Variants in WDR27 observed in about 807,000 individuals in gnomAD.
WDR27 encodes the protein WD repeat-containing protein 27.
WDR27 carries 100 observed loss-of-function variants against 114.4 expected under a neutral mutation model. The observed-to-expected ratio is 0.87, with a 90% CI of 0.74 to 1.03. WDR27 has a LOEUF of 1.03. WDR27 is among the 50% of genes least tolerant of loss of function. The probability of loss-of-function intolerance (pLI) is 0.00; values close to 1 mark genes in which losing one functional copy is unlikely to be tolerated. For missense variants in WDR27, 1,129 were observed against 1,092.9 expected, an observed-to-expected ratio of 1.03 and a Z score of -0.47; for synonymous variants, 449 against 423.1, an observed-to-expected ratio of 1.06 and a Z score of -0.75.
At chr6:169,635,703 C>A (rs1210747852) in intron 19 of WDR27, among the ~76,000 whole-genome samples, 1 of 152,222 alleles carries the variant, frequency 6.6e-6, no homozygotes, top group Non-Finnish European at 1.5e-5. Context: ...ATTCCGAGCG[C>A]AGGGCACCTG....
chr6:169,448,972 A>G, the WDR27 span, among the ~76,000 whole-genome samples: 64 of 152,320 alleles, frequency 4.2e-4, no homozygotes, highest in African/African-American at 1.5e-3. Flanking sequence ...TTTCCTTATC[A>G]TATCACAGCC....
chr6:169,482,393 G>T (rs1788290654), intron 25 of WDR27, among the ~76,000 whole-genome samples: 1 of 152,140 alleles, frequency 6.6e-6, no homozygotes, highest in Non-Finnish European at 1.5e-5. Flanking sequence ...CACAATGGTT[G>T]AACTAATTTT....
chr6:169,569,324 T>C (rs1314115515), intron 25 of WDR27, among the ~76,000 whole-genome samples: 2 of 152,248 alleles, frequency 1.3e-5, no homozygotes, highest in Non-Finnish European at 2.9e-5. Flanking sequence ...AAATCTAGTA[T>C]ATTTTAACAA....
intron 1 of WDR27, among the ~76,000 whole-genome samples, chr6:169,694,218 G>A (rs1350265215): frequency 6.6e-6 from 1 of 152,144 alleles, no homozygotes; most frequent in African/African-American, 2.4e-5. Context: ...TGAGGCAGGA[G>A]TATCATCATT....
chr6:169,443,362 A>AGAAT, the WDR27 span, among the ~76,000 whole-genome samples: 1 of 152,266 alleles, frequency 6.6e-6, no homozygotes, highest in African/African-American at 2.4e-5. Flanking sequence ...AATATTTAAG[A>AGAAT]GAATGGTTCC....
intron 25 of WDR27, among the ~76,000 whole-genome samples, chr6:169,465,075 A>G (rs1424855600): frequency 6.6e-6 from 1 of 151,976 alleles, no homozygotes; most frequent in East Asian, 1.9e-4. Flanking sequence ...CCTGACCAAC[A>G]TGGTGAAACC....
At position 169,517,399 on chromosome 6, in the gene WDR27, C is replaced by T. The variant is rs1158709558; in HGVS notation, c.2645+55020G>A. Reference sequence around the variant, plus strand: ...TTATAGCAACACAAGAACAGCCTACCACTGGGGGAACAGAGTGAAGCCAGC... The same window carrying T: ...TTATAGCAACACAAGAACAGCCTACTACTGGGGGAACAGAGTGAAGCCAGC... On this transcript the variant is annotated intron_variant, in intron 25 of 25. Coordinates refer to ENST00000448612, the MANE Select transcript of WDR27 (RefSeq NM_182552.5). 4.6e-5 allele frequency among the ~76,000 whole-genome samples: 7 copies of T among 152,116 alleles called. No individual in the cohort carries two copies. The East Asian group carries it at 1.2e-3, about 25-fold the overall frequency.
At chr6:169,637,112 G>C (rs1817824277) in intron 18 of WDR27, among the ~76,000 whole-genome samples, 1 of 152,144 alleles carries the variant, frequency 6.6e-6, no homozygotes, top group South Asian at 2.1e-4. Context: ...TTCATGATTT[G>C]AAGGTGAGTT....
At chr6:169,569,075 A>G (rs1310712895) in intron 25 of WDR27, among the ~76,000 whole-genome samples, 1 of 126,066 alleles carries the variant, frequency 7.9e-6, no homozygotes. Flanking sequence ...AATTCCACAA[A>G]GACAGCAGGA....
At chr6:169,564,559 C>T (rs1166826484) in intron 25 of WDR27, among the ~76,000 whole-genome samples, 1 of 152,248 alleles carries the variant, frequency 6.6e-6, no homozygotes, top group South Asian at 2.1e-4. Context: ...CACCTCCTGA[C>T]CTCTCCGTGG....
At chr6:169,445,092 T>C in the WDR27 span, among the ~76,000 whole-genome samples, 5,009 of 152,292 alleles carry the variant, frequency 0.033, 263 homozygotes, top group African/African-American at 0.11. Flanking sequence ...GATGGCTGGC[T>C]TGCCGTGGTC....
intron 1 of WDR27, among the ~76,000 whole-genome samples, chr6:169,700,332 T>C (rs1240396856): frequency 6.6e-6 from 1 of 152,210 alleles, no homozygotes; most frequent in Non-Finnish European, 1.5e-5. Context: ...GGAGAGTGTG[T>C]TCTCCATGTG....
rs1245626210 is a variant in WDR27 at position 169,586,881 on chromosome 6, C to T, written c.2425-3947G>A. On this transcript the variant is annotated intron_variant, in intron 23 of 25. Transcript: ENST00000448612. Reference sequence around the variant, plus strand: ...AAAAAAAAAAAAAAAAAAAGGCAGTCGCTTCCTGACTTCAGGGACAAAGTA... The same window carrying T: ...AAAAAAAAAAAAAAAAAAAGGCAGTTGCTTCCTGACTTCAGGGACAAAGTA... Among the ~76,000 whole-genome samples, 3 of 72,140 alleles carry T rather than the reference C, an allele frequency of 4.2e-5. No homozygotes were observed. In the East Asian group the frequency reaches 7.3e-4, roughly 18 times the overall value. 47.3% of individuals were successfully genotyped at this position (72,140 alleles called of 152,430 possible). A position where few individuals can be genotyped will look rare whatever the true frequency, so the allele number is the denominator to read the frequency against.
chr6:169,526,858 C>T (rs912767319), intron 25 of WDR27, among the ~76,000 whole-genome samples: 5 of 152,104 alleles, frequency 3.3e-5, no homozygotes, highest in African/African-American at 9.7e-5. Flanking sequence ...TTTGAATAGA[C>T]ATTTCTCCAA....
chr6:169,638,033 T>TCAATAACTGTTATTGCATTGAAGCAA (rs1554334235), intron 18 of WDR27, among the ~76,000 whole-genome samples: 3 of 137,554 alleles, frequency 2.2e-5, no homozygotes, highest in Admixed American at 6.8e-5. Context: ...AAGAAACTAA[T>TCAATAACTGTTATTGCATTGAAGCAA]TGGCCGGGCG....
chr6:169,433,533 T>C, the WDR27 span, among the ~76,000 whole-genome samples: 2 of 152,238 alleles, frequency 1.3e-5, no homozygotes, highest in African/African-American at 4.8e-5. Context: ...CTATTGTGAA[T>C]AGTGCTGCAA....
At chr6:169,472,316 A>C (rs991291443) in intron 25 of WDR27, among the ~76,000 whole-genome samples, 2 of 152,216 alleles carry the variant, frequency 1.3e-5, no homozygotes, top group African/African-American at 4.8e-5. Flanking sequence ...CCATTAGAAG[A>C]AGCACAGAGA....
intron 3 of WDR27, chr6:169,672,048 G>A (rs577199495): frequency 9.6e-5 from 45 of 468,724 alleles, no homozygotes; most frequent in Admixed American, 1.9e-4. Context: ...GCAAAGGTCC[G>A]TAAGTCTGAA....
At chr6:169,452,001 A>G in the WDR27 span, among the ~76,000 whole-genome samples, 1 of 152,172 alleles carries the variant, frequency 6.6e-6, no homozygotes, top group South Asian at 2.1e-4. Context: ...TGAAGAGCAA[A>G]ATATTTTTCT....
Sources: allele counts gnomAD v4.1 joint callset (sites outside exome capture counted in the v4.1 genomes callset), GRCh38; gene constraint gnomAD v4.1.1; transcripts MANE v1.5; gene names NCBI Gene and HGNC (gene_info 2026-07-23, HGNC 2026-07-21).